Variants in ACOD1 observed in about 807,000 individuals in gnomAD.
ACOD1 encodes aconitate decarboxylase 1.
Under a neutral mutation model 14.2 loss-of-function variants are expected in ACOD1, and 14 were observed. That is an observed-to-expected ratio of 0.99 (90% CI 0.65 to 1.54). The LOEUF is 1.54. ACOD1 is among the 40% of genes most tolerant of loss of function. ACOD1 has a pLI of 0.00. For synonymous variants in ACOD1, 182 were observed against 221.7 expected (o/e 0.82, Z 1.59); for missense variants, 530 against 586.3 (o/e 0.90, Z 0.99).
chr13:76,949,712 G>A (rs532259165), intron 1 of ACOD1, among the ~76,000 whole-genome samples: 1 of 152,256 alleles, frequency 6.6e-6, no homozygotes, highest in Non-Finnish European at 1.5e-5. Flanking sequence ...ATCACTACAT[G>A]CCCCCAGCTG....
chr13:76,952,407 A>G, intron 1 of ACOD1, 82 bp from the exon 2 acceptor site: 1 of 1,220,234 alleles, frequency 8.2e-7, no homozygotes, highest in Non-Finnish European at 1.1e-6. Context: ...CTTTATGCAA[A>G]AGTGCCTCAA....
At chr13:76,948,959 G>C (rs1202699855) in intron 1 of ACOD1, among the ~76,000 whole-genome samples, 1 of 152,138 alleles carries the variant, frequency 6.6e-6, no homozygotes, top group Non-Finnish European at 1.5e-5. Flanking sequence ...TTAGAACAGT[G>C]CTGGACTCAT....
At chr13:76,956,253 G>A (rs1331633052) in intron 4 of ACOD1, among the ~76,000 whole-genome samples, 1 of 152,208 alleles carries the variant, frequency 6.6e-6, no homozygotes, top group Non-Finnish European at 1.5e-5. Flanking sequence ...CCAGGCTGGA[G>A]TGCAGTGGTG....
rs1303410371 is a variant in ACOD1 at position 76,957,053 on chromosome 13, G to A, written c.514G>A (p.Ala172Thr). 4 of 1,550,570 alleles carry A rather than the reference G, an allele frequency of 2.6e-6. No individual in the cohort carries two copies. Residue 172 changes from alanine (A) to threonine (T), a missense_variant, in exon 5 of 5, where the codon GCT (alanine) becomes ACT (threonine). Coordinates refer to ENST00000377462, the MANE Select transcript of ACOD1 (RefSeq NM_001258406.2). ...SVVGTLGSAA[A>T]ASKFLGLSST... ...GGTAGGAACGTTGGGTAGTGCTGCT[G>A]CTGCATCCAAGTTTTTAGGACTTAG...
In ACOD1 at chr13:76,948,549, T is replaced by G. The variant is rs143334517; in HGVS notation, c.-10T>G. ...ACTCCTCCTGAACTGAACCTCTTCT[T>G]TACAACGAAATGATGCTCAAGGTAT... On this transcript the variant is annotated 5_prime_UTR_variant, in exon 1 of 5. Coordinates refer to ENST00000377462, the MANE Select transcript of ACOD1 (RefSeq NM_001258406.2). 3.5e-4 allele frequency: 543 copies of G among 1,548,740 alleles called. 6 individuals are homozygous for G. In the African/African-American group the frequency reaches 6.4e-3, roughly 18 times the overall value.
At chr13:76,953,176 G>C (rs944368515) in intron 2 of ACOD1, among the ~76,000 whole-genome samples, 7 of 152,082 alleles carry the variant, frequency 4.6e-5, no homozygotes, top group African/African-American at 7.2e-5. Flanking sequence ...AAAAAAATAT[G>C]CTAATAATAT....
At position 76,952,587 on chromosome 13, in the gene ACOD1, T is replaced by C. The variant is rs1813855958; in HGVS notation, c.111T>C (p.Thr37=). Residue 37 remains threonine (T), a synonymous_variant, in exon 2 of 5, where the codon ACT becomes ACC. Coordinates refer to ENST00000377462, the MANE Select transcript of ACOD1 (RefSeq NM_001258406.2). Reference sequence around the variant, plus strand: ...GGAGCAAGAGGATGATTCTAGACACTCTGGGTGCTGGGTTCCTGGGAACCA... The same window carrying C: ...GGAGCAAGAGGATGATTCTAGACACCCTGGGTGCTGGGTTCCTGGGAACCA... ...IQRSKRMILD[T]LGAGFLGTTT... is the part of the protein sequence containing the mutation. 3 of 1,550,468 alleles carry C rather than the reference T, an allele frequency of 1.9e-6. No individual in the cohort carries two copies. Among genetic ancestry groups the C allele is most frequent in the Non-Finnish European group, 2.6e-6 (3 of 1,146,960 alleles).
rs1390599129 is a variant in ACOD1, at chr13:76,955,324, C to T, written c.270C>T (p.His90=). 1.2e-5 allele frequency: 19 copies of T among 1,550,168 alleles called. No homozygotes were observed. Among genetic ancestry groups the T allele is most frequent in the Middle Eastern group, 1.7e-4 (1 of 5,734 alleles). ...GTTTGTGTCTGTTTATACAGATTCA[C>T]TCCATGGATTTTGATGACACGTGGC... ...YAAFVNGVAI[H]SMDFDDTWHP... is the part of the protein sequence containing the mutation. The change falls in exon 4 of 5, where the codon CAC becomes CAT. Residue 90 remains histidine, a synonymous_variant. Transcript: ENST00000377462.
At chr13:76,949,636 C>T (rs1006691494) in intron 1 of ACOD1, among the ~76,000 whole-genome samples, 6 of 152,076 alleles carry the variant, frequency 3.9e-5, no homozygotes, top group Non-Finnish European at 8.8e-5. Context: ...CCCACTGCTC[C>T]CCAGTCTCAC....
chr13:76,957,775 A>C lies in ACOD1; in HGVS notation c.1236A>C (p.Pro412=). The C allele has an allele frequency of 1.9e-6, 3 of 1,550,740 alleles. No individual in the cohort carries two copies. The highest frequency in any genetic ancestry group is 2.6e-6 in the Non-Finnish European group (3 of 1,147,016). The change falls in exon 5 of 5, where the codon CCA becomes CCC. Residue 412 remains proline (P), a synonymous_variant. Transcript: ENST00000377462. The part of the protein sequence containing the change: ...SDTFYGHWRK[P]LSQEDLEEKF... ...CCTTCTATGGGCACTGGAGAAAACC[A>C]CTGAGCCAGGAGGACCTAGAGGAAA...
Position 76,958,062 on chromosome 13 carries a change from GGTTT to G in ACOD1, c.*78_*81del. The G allele has an allele frequency of 7.6e-7, 1 of 1,323,516 alleles. No homozygotes were observed. Among genetic ancestry groups the G allele is most frequent in the South Asian group, 1.6e-5 (1 of 62,846 alleles). The allele number at this position is 1,323,516 out of a possible 1,614,324, so 82.0% of individuals were successfully genotyped here. On this transcript the variant is annotated 3_prime_UTR_variant, in exon 5 of 5. Coordinates refer to ENST00000377462, the MANE Select transcript of ACOD1 (RefSeq NM_001258406.2). The stretch of plus-strand genomic sequence containing the variant: ...TTTGTAAAGCAAGGGTCTGCTGCTT[GGTTT>G]TCCCAGGAAAAATGAACAAAGATGG...
At position 76,952,584 on chromosome 13, in the gene ACOD1, C is replaced by T; in HGVS notation, c.108C>T (p.Asp36=). 6.4e-7 allele frequency: 1 copy of T among 1,550,448 alleles called. No individual in the cohort carries two copies. The highest frequency in any genetic ancestry group is 8.7e-7 in the Non-Finnish European group (1 of 1,146,948). ...AGAGGAGCAAGAGGATGATTCTAGA[C>T]ACTCTGGGTGCTGGGTTCCTGGGAA... The part of the protein sequence containing the change: ...VIQRSKRMIL[D]TLGAGFLGTT... The change falls in exon 2 of 5, where the codon GAC becomes GAT. Residue 36 remains aspartate, a synonymous_variant. Coordinates refer to ENST00000377462, the MANE Select transcript of ACOD1 (RefSeq NM_001258406.2).
rs2137751714 is a variant in ACOD1 at position 76,958,073 on chromosome 13, G to A, written c.*88G>A. The A allele has an allele frequency of 6.3e-6, 8 of 1,273,904 alleles. No individual in the cohort carries two copies. The South Asian group carries it at 1.1e-4, about 18-fold the overall frequency. 78.9% of individuals were successfully genotyped at this position (1,273,904 alleles called of 1,614,324 possible). ...AGGGTCTGCTGCTTGGTTTTCCCAG[G>A]AAAAATGAACAAAGATGGAGAGAGT... On this transcript the variant is annotated 3_prime_UTR_variant, in exon 5 of 5. Transcript: ENST00000377462.
In ACOD1 at chr13:76,957,659, C is replaced by T. The variant is rs763833075; in HGVS notation, c.1120C>T (p.Pro374Ser). 4.2e-5 allele frequency: 65 copies of T among 1,550,472 alleles called. No individual in the cohort carries two copies. The highest frequency in any genetic ancestry group is 9.8e-5 in the Admixed American group (5 of 50,976). The change falls in exon 5 of 5, where the codon CCT becomes TCT. Residue 374 changes from proline to serine, a missense_variant. Transcript: ENST00000377462. ...ELLSKVELEYPPDNLPSFNIL... is the reference protein window; with the variant it reads ...ELLSKVELEYSPDNLPSFNIL... ...GCTCAGTAAGGTGGAGCTGGAGTACCCTCCGGACAACTTGCCAAGCTTCAA... is the reference window on the plus strand; with the variant it reads ...GCTCAGTAAGGTGGAGCTGGAGTACTCTCCGGACAACTTGCCAAGCTTCAA...
intron 3 of ACOD1, among the ~76,000 whole-genome samples, chr13:76,954,364 T>C (rs1251456139): frequency 6.6e-6 from 1 of 152,246 alleles, no homozygotes; most frequent in African/African-American, 2.4e-5. Context: ...CAAATAGATA[T>C]AAAAATCTAT....
At chr13:76,955,254 C>A in intron 3 of ACOD1, 65 bp from the exon 4 acceptor site, 2 of 1,272,250 alleles carry the variant, frequency 1.6e-6, no homozygotes, top group South Asian at 1.3e-5. Context: ...CCTTAGTGGT[C>A]CAAAAGCCAT....
At position 76,958,089 on chromosome 13, in the gene ACOD1, T is replaced by C. The variant is rs930462795; in HGVS notation, c.*104T>C. On this transcript the variant is annotated 3_prime_UTR_variant, in exon 5 of 5. Transcript: ENST00000377462. ...TTTTCCCAGGAAAAATGAACAAAGATGGAGAGAGTCCAGAAACAGAACTAC... is the reference window on the plus strand; with the variant it reads ...TTTTCCCAGGAAAAATGAACAAAGACGGAGAGAGTCCAGAAACAGAACTAC... The C allele has an allele frequency of 4.3e-6, 5 of 1,165,492 alleles. No individual in the cohort carries two copies. In the African/African-American group the frequency reaches 6.2e-5, roughly 15 times the overall value. The allele number at this position is 1,165,492 out of a possible 1,614,324, so 72.2% of individuals were successfully genotyped here. A position where few individuals can be genotyped will look rare whatever the true frequency, so the allele number is the denominator to read the frequency against.
chr13:76,949,372 T>C (rs1488858008), intron 1 of ACOD1, among the ~76,000 whole-genome samples: 8 of 151,942 alleles, frequency 5.3e-5, no homozygotes, highest in Non-Finnish European at 8.8e-5. Context: ...CATGAGAAGG[T>C]CAAGCAGATC....
chr13:76,955,627 A>G, intron 4 of ACOD1, 103 bp downstream of exon 4: 1 of 973,092 alleles, frequency 1.0e-6, no homozygotes, highest in East Asian at 2.6e-5. Context: ...TCAGAGGAAG[A>G]TGTTAACATT....
Sources: gnomAD v4.1 joint callset for allele counts (sites outside exome capture counted in the v4.1 genomes callset) on GRCh38, gnomAD v4.1.1 for gene constraint, MANE v1.5 for transcripts, NCBI Gene and HGNC (gene_info 2026-07-23, HGNC 2026-07-21) for gene names.